UBE2U: variants seen among roughly 807,000 people sequenced by gnomAD.
UBE2U encodes the protein ubiquitin conjugating enzyme E2 U.
In UBE2U, 39 loss-of-function variants were observed where a neutral mutation model predicts 41.2. The ratio of observed to expected loss-of-function variants is 0.95; its 90% CI spans 0.73 to 1.24. The LOEUF (loss-of-function observed/expected upper bound fraction) is 1.24. Among genes scored for constraint, UBE2U ranks in the 50% most tolerant of loss-of-function variants. UBE2U has a pLI of 0.00. For missense variants in UBE2U, 336 were observed against 363.1 expected (o/e 0.93, Z 0.61); for synonymous variants, 107 against 117.8 (o/e 0.91, Z 0.60).
chr1:64,265,495 C>A (rs1258583166), intron 9 of UBE2U, among the ~76,000 whole-genome samples: 2 of 152,252 alleles, frequency 1.3e-5, no homozygotes, highest in East Asian at 3.9e-4. Flanking sequence ...ACCGAAAGTA[C>A]AAAAAATTAA....
chr1:64,240,552 A>C (rs1644818064), intron 7 of UBE2U, among the ~76,000 whole-genome samples: 1 of 152,170 alleles, frequency 6.6e-6, no homozygotes, highest in African/African-American at 2.4e-5. Context: ...CAAGTAATTC[A>C]TTCAGAACCT....
intron 9 of UBE2U, among the ~76,000 whole-genome samples, chr1:64,266,455 A>G (rs538882860): frequency 2.6e-5 from 4 of 152,310 alleles, no homozygotes; most frequent in Admixed American, 2.6e-4. Flanking sequence ...TAAAATAAGA[A>G]TAATAATACC....
At chr1:64,207,457 T>C (rs1557700329) in intron 3 of UBE2U, among the ~76,000 whole-genome samples, 1 of 152,220 alleles carries the variant, frequency 6.6e-6, no homozygotes, top group African/African-American at 2.4e-5. Flanking sequence ...GTTTTTAATT[T>C]TAAAACTATA....
chr1:64,208,376 G>A (rs1651437483), intron 3 of UBE2U, among the ~76,000 whole-genome samples: 1 of 151,914 alleles, frequency 6.6e-6, no homozygotes, highest in Non-Finnish European at 1.5e-5. Flanking sequence ...GGTGGTCAGT[G>A]GGGAGTATTG....
intron 7 of UBE2U, among the ~76,000 whole-genome samples, chr1:64,239,188 A>C (rs1020373618): frequency 6.7e-6 from 1 of 148,586 alleles, no homozygotes. Flanking sequence ...GAAGAAGAAG[A>C]AGAAAGCCCC....
chr1:64,213,674 T>A (rs576558235), intron 4 of UBE2U, among the ~76,000 whole-genome samples: 1 of 152,336 alleles, frequency 6.6e-6, no homozygotes, highest in South Asian at 2.1e-4. Flanking sequence ...ATAAAATGAA[T>A]GAATGAATGA....
chr1:64,241,843 T>C, intron 8 of UBE2U, 110 bp downstream of exon 8: 1 of 722,686 alleles, frequency 1.4e-6, no homozygotes, highest in Non-Finnish European at 2.3e-6. Context: ...AAATAACAAC[T>C]TATACCCTTT....
intron 6 of UBE2U, among the ~76,000 whole-genome samples, chr1:64,226,296 A>G (rs558180179): frequency 2.0e-5 from 3 of 152,342 alleles, no homozygotes; most frequent in African/African-American, 4.8e-5. Context: ...TTCAATTTAT[A>G]TGAAGTTCTA....
At chr1:64,247,864 C>CA (rs71056034) in intron 8 of UBE2U, among the ~76,000 whole-genome samples, 2,048 of 127,846 alleles carry the variant, frequency 0.016, 25 homozygotes, top group South Asian at 0.025. Context: ...ACCTGTCTCA[C>CA]AAAAAAAAAA....
chr1:64,210,319 G>C (rs1651588967), intron 3 of UBE2U, among the ~76,000 whole-genome samples: 1 of 152,216 alleles, frequency 6.6e-6, no homozygotes, highest in African/African-American at 2.4e-5. Context: ...GACAACGCTG[G>C]AGGGAGGTTG....
rs761626602 is a variant in UBE2U, at chr1:64,260,689, C to G, written c.764C>G (p.Thr255Ser). 6.5e-7 allele frequency: 1 copy of G among 1,547,944 alleles called. No individual in the cohort carries two copies. Among genetic ancestry groups the G allele is most frequent in the South Asian group, 1.2e-5 (1 of 83,588 alleles). ...ATGGAAGAAATTAAGCTCTGCCCAA[C>G]TCTAAGTAAATCGATTCACTCTATT... is the stretch of plus-strand genomic sequence containing the variant. The part of the protein sequence containing the change: ...HSMEEIKLCP[T>S]LNEIFLESPT... Residue 255 changes from threonine to serine, a missense_variant, in exon 9 of 10, where the codon ACT becomes AGT. Transcript: ENST00000371077.
At position 64,264,977 on chromosome 1, in the gene UBE2U, T is replaced by G. The variant is rs1038061255; in HGVS notation, c.770-2047T>G. Among the ~76,000 whole-genome samples, 102 of 151,892 alleles carry G rather than the reference T, an allele frequency of 6.7e-4. 1 individual carries two copies. The highest frequency in any genetic ancestry group is 2.5e-3 in the African/African-American group (102 of 41,448). On this transcript the variant is annotated intron_variant, in intron 9 of 9. Coordinates refer to ENST00000371077, the MANE Select transcript of UBE2U (RefSeq NM_001366232.2). ...AAAAAAAAATTAAATTAAATTAAAA[T>G]AAAAGAAATGGCATGTGACAGGATC... is the stretch of plus-strand genomic sequence containing the variant.
chr1:64,225,453 A>G (rs779015655), intron 6 of UBE2U, among the ~76,000 whole-genome samples: 8 of 152,238 alleles, frequency 5.3e-5, no homozygotes, highest in Non-Finnish European at 8.8e-5. Context: ...ATTTTATTAT[A>G]CCAGGTAAGG....
chr1:64,262,380 G>A lies in UBE2U; in HGVS notation c.769+1686G>A, dbSNP rs140456061. ...CCTGGAGTACAGGCACAGCTTAGCT[G>A]AATCCTCTGCTTAAGGTCTCAGAAA... On this transcript the variant is annotated intron_variant, in intron 9 of 9. Transcript: ENST00000371077. Among the ~76,000 whole-genome samples the A allele has an allele frequency of 3.9e-5, 6 of 152,292 alleles. No individual in the cohort carries two copies. The East Asian group carries it at 1.2e-3, about 29-fold the overall frequency.
At chr1:64,235,672 G>GT (rs1292972961) in intron 7 of UBE2U, among the ~76,000 whole-genome samples, 2 of 152,100 alleles carry the variant, frequency 1.3e-5, no homozygotes, top group African/African-American at 2.4e-5. Flanking sequence ...ATGAGTAGTG[G>GT]TAAGTAGTTA....
chr1:64,205,755 A>C, intron 2 of UBE2U, 35 bp downstream of exon 2: 3 of 1,551,668 alleles, frequency 1.9e-6, no homozygotes, highest in Non-Finnish European at 2.7e-6. Context: ...TTTTTTAAAA[A>C]AGTCTTTATA....
At chr1:64,217,710 A>G (rs1312007123) in intron 5 of UBE2U, among the ~76,000 whole-genome samples, 1 of 152,186 alleles carries the variant, frequency 6.6e-6, no homozygotes, top group African/African-American at 2.4e-5. Context: ...TTGATAAAAA[A>G]GGAGGATCAT....
chr1:64,266,564 G>C (rs1409248308), intron 9 of UBE2U, among the ~76,000 whole-genome samples: 1 of 152,166 alleles, frequency 6.6e-6, no homozygotes, highest in Non-Finnish European at 1.5e-5. Context: ...AATCCATTCT[G>C]ATCACCCCTA....
intron 9 of UBE2U, among the ~76,000 whole-genome samples, chr1:64,266,414 A>G (rs1036379709): frequency 1.3e-5 from 2 of 152,152 alleles, no homozygotes; most frequent in African/African-American, 4.8e-5. Flanking sequence ...TCAAGTTACT[A>G]TAGGTTGCTC....
Sources: allele counts gnomAD v4.1 joint callset (sites outside exome capture counted in the v4.1 genomes callset), GRCh38; gene constraint gnomAD v4.1.1; transcripts MANE v1.5; gene names NCBI Gene and HGNC (gene_info 2026-07-23, HGNC 2026-07-21).